The following OTUB1 variants were observed in gnomAD, a reference collection of about 807,000 sequenced individuals.
OTUB1 encodes ubiquitin thioesterase OTUB1.
In OTUB1, 10 loss-of-function variants were observed where a neutral mutation model predicts 35.8. The observed-to-expected ratio is 0.28, with a 90% CI of 0.17 to 0.47. The LOEUF (loss-of-function observed/expected upper bound fraction) is 0.47, where lower values mean the gene tolerates loss of function less well. Among genes scored for constraint, OTUB1 ranks in the 20% least tolerant of loss-of-function variants. The probability of loss-of-function intolerance (pLI) is 0.99; values close to 1 mark genes in which losing one functional copy is unlikely to be tolerated. For synonymous variants in OTUB1, 158 were observed against 143.8 expected, an observed-to-expected ratio of 1.10 and a Z score of -0.71; for missense variants, 264 against 351.6, an observed-to-expected ratio of 0.75 and a Z score of 1.99.
At position 63,986,489 on chromosome 11, in the gene OTUB1, G is replaced by A; in HGVS notation, c.33G>A (p.Gln11=). The A allele has an allele frequency of 1.3e-6, 2 of 1,553,626 alleles. No homozygotes were observed. The highest frequency in any genetic ancestry group is 8.7e-7 in the Non-Finnish European group (1 of 1,148,972). The change falls in exon 1 of 7, where the codon CAG becomes CAA. Residue 11 remains glutamine (Q), a synonymous_variant. Coordinates refer to ENST00000538426, the MANE Select transcript of OTUB1 (RefSeq NM_017670.3). MAAEEPQQQK[Q]EPLGSDSEGV... is the part of the protein sequence containing the mutation. ...CGGAGGAACCTCAGCAGCAGAAGCA[G>A]GAGCCGCTGGGCAGCGACTCCGAAG... is the stretch of plus-strand genomic sequence containing the variant.
At chr11:63,991,650 C>T (rs545368551) in intron 3 of OTUB1, among the ~76,000 whole-genome samples, 3 of 152,176 alleles carry the variant, frequency 2.0e-5, no homozygotes, top group Non-Finnish European at 4.4e-5. Context: ...GTGCCAAATC[C>T]CTGGCACAGA....
rs756050985 is a variant in OTUB1 at position 63,997,218 on chromosome 11, C to T, written c.592C>T (p.Arg198Trp). Residue 198 changes from arginine (R) to tryptophan (W), a missense_variant, in exon 6 of 7, where the codon CGG (arginine) becomes TGG (tryptophan). Coordinates refer to ENST00000538426, the MANE Select transcript of OTUB1 (RefSeq NM_017670.3). Reference protein sequence around the residue: ...KFFEHFIEGGRTVKEFCQQEV... With the variant: ...KFFEHFIEGGWTVKEFCQQEV... Reference sequence around the variant, plus strand: ...CTTCGAGCACTTCATCGAGGGTGGACGGACTGTCAAGGAGTTCTGCCAGCA... The same window carrying T: ...CTTCGAGCACTTCATCGAGGGTGGATGGACTGTCAAGGAGTTCTGCCAGCA... 20 of 1,614,156 alleles carry T rather than the reference C, an allele frequency of 1.2e-5. No individual in the cohort carries two copies. Among genetic ancestry groups the T allele is most frequent in the East Asian group, 2.2e-5 (1 of 44,886 alleles).
At chr11:63,986,792 C>T in intron 1 of OTUB1, 1 of 419,820 alleles carries the variant, frequency 2.4e-6, no homozygotes, top group Non-Finnish European at 4.2e-6. Flanking sequence ...CGCCCTCTGC[C>T]CAACCCCTCG....
Position 63,996,565 on chromosome 11 carries a change from C to T in OTUB1, c.255C>T (p.Thr85=), listed in dbSNP as rs981204662. The T allele has an allele frequency of 4.3e-6, 7 of 1,614,128 alleles. No individual in the cohort carries two copies. In the African/African-American group the frequency reaches 9.3e-5, roughly 22 times the overall value. The change falls in exon 4 of 7, where the codon ACC becomes ACT. Residue 85 remains threonine, a synonymous_variant. Coordinates refer to ENST00000538426, the MANE Select transcript of OTUB1 (RefSeq NM_017670.3). ...AAAAGTACTCGTACATCCGCAAGAC[C>T]AGGCCTGACGGCAACTGTTTCTATC... The part of the protein sequence containing the change: ...LHKKYSYIRK[T]RPDGNCFYRA...
chr11:63,996,384 A>G (rs1307329430), intron 3 of OTUB1, 146 bp from the exon 4 acceptor site: 1 of 787,370 alleles, frequency 1.3e-6, no homozygotes, highest in Non-Finnish European at 2.1e-6. Context: ...CACATTCAGC[A>G]GCCTGTTTCA....
chr11:63,991,880 C>G (rs1158336762), intron 3 of OTUB1, among the ~76,000 whole-genome samples: 3 of 152,124 alleles, frequency 2.0e-5, no homozygotes, highest in Non-Finnish European at 2.9e-5. Context: ...GGCTCTGGGA[C>G]ATGTGGGGTA....
At position 63,998,405 on chromosome 11, in the gene OTUB1, C is replaced by T. The variant is rs960081755; in HGVS notation, c.*859C>T. On this transcript the variant is annotated 3_prime_UTR_variant, in exon 7 of 7. Coordinates refer to ENST00000538426, the MANE Select transcript of OTUB1 (RefSeq NM_017670.3). ...GCAGGCCCTCAATAAATGTGAACTG[C>T]TGCTGCCGCCTCTGCCGTCCGCCTG... is the stretch of plus-strand genomic sequence containing the variant. 3 of 180,378 alleles carry T rather than the reference C, an allele frequency of 1.7e-5. No homozygotes were observed. The highest frequency in any genetic ancestry group is 2.4e-5 in the African/African-American group (1 of 42,306). The allele number at this position is 180,378 out of a possible 1,614,324, so 11.2% of individuals were successfully genotyped here.
chr11:63,997,149 C>T lies in OTUB1; in HGVS notation c.523C>T (p.Leu175=). The T allele has an allele frequency of 6.2e-7, 1 of 1,614,226 alleles. No homozygotes were observed. Among genetic ancestry groups the T allele is most frequent in the Non-Finnish European group, 8.5e-7 (1 of 1,180,028 alleles). Residue 175 remains leucine (L), a synonymous_variant, in exon 6 of 7, where the codon CTG becomes TTG. Transcript: ENST00000538426. The part of the protein sequence containing the change: ...QSTSDYLVVY[L]RLLTSGYLQR... Reference sequence around the variant, plus strand: ...CACCTCCGACTACCTTGTGGTCTACCTGCGGCTGCTCACCTCGGGCTACCT... The same window carrying T: ...CACCTCCGACTACCTTGTGGTCTACTTGCGGCTGCTCACCTCGGGCTACCT...
chr11:63,987,332 C>T (rs1472928611), intron 1 of OTUB1, among the ~76,000 whole-genome samples: 3 of 152,134 alleles, frequency 2.0e-5, no homozygotes, highest in Admixed American at 2.0e-4. Context: ...CTTGAGGGAA[C>T]GAGAAGTGGG....
At chr11:63,988,775 TGGGAA>T in intron 3 of OTUB1, 23 bp downstream of exon 3, 1 of 1,532,852 alleles carries the variant, frequency 6.5e-7, no homozygotes. Flanking sequence ...CCAGAGCGGG[TGGGAA>T]GCACCCTGGG....
chr11:63,995,565 G>A (rs1364801295), intron 3 of OTUB1, among the ~76,000 whole-genome samples: 1 of 151,902 alleles, frequency 6.6e-6, no homozygotes, highest in African/African-American at 2.4e-5. Flanking sequence ...CTAGGCTTAA[G>A]CGTCCTCCCA....
rs1246735875 is a variant in OTUB1 at position 63,996,641 on chromosome 11, T to C, written c.331T>C (p.Leu111=). Residue 111 remains leucine, a synonymous_variant, in exon 4 of 7, where the codon TTG becomes CTG. Transcript: ENST00000538426. The part of the protein sequence containing the change: ...LEALLDDSKE[L]QRFKAVSAKS... ...GGCACTGCTGGATGACAGCAAGGAG[T>C]TGCAGCGGTGAGAAGGGTGGGCACT... is the stretch of plus-strand genomic sequence containing the variant. The C allele has an allele frequency of 6.2e-7, 1 of 1,613,722 alleles. No individual in the cohort carries two copies. The highest frequency in any genetic ancestry group is 1.7e-5 in the Admixed American group (1 of 59,948).
At position 63,988,418 on chromosome 11, in the gene OTUB1, G is replaced by A. The variant is rs774306824; in HGVS notation, c.120+20G>A. On this transcript the variant is annotated intron_variant, in intron 2 of 6. Transcript: ENST00000538426. The stretch of plus-strand genomic sequence containing the variant: ...CAAGAGGTGAGGGGCTGCAGTGGGC[G>A]AGGGAGGCAGTGGCCAGCAGCCCCA... The A allele has an allele frequency of 1.7e-5, 26 of 1,551,548 alleles. No individual in the cohort carries two copies. The highest frequency in any genetic ancestry group is 2.4e-5 in the South Asian group (2 of 84,496).
Position 63,996,463 on chromosome 11 carries a change from G to T in OTUB1, c.220-67G>T, listed in dbSNP as rs75000465. 6.0e-3 allele frequency: 9,349 copies of T among 1,547,980 alleles called. 454 individuals carry two copies. The African/African-American group carries it at 0.11, about 18-fold the overall frequency. On this transcript the variant is annotated intron_variant, in intron 3 of 6. Coordinates refer to ENST00000538426, the MANE Select transcript of OTUB1 (RefSeq NM_017670.3). ...CTTTGGAGTGTGACCTTTGCTGGGG[G>T]ACATTTCCTTGGCCAGCCCCCGTTC... is the stretch of plus-strand genomic sequence containing the variant.
intron 1 of OTUB1, among the ~76,000 whole-genome samples, chr11:63,987,373 T>A (rs1261643070): frequency 6.6e-6 from 1 of 152,150 alleles, no homozygotes; most frequent in Non-Finnish European, 1.5e-5. Context: ...TTGTTCAAGA[T>A]GACATTAAGA....
intron 3 of OTUB1, among the ~76,000 whole-genome samples, chr11:63,995,955 C>T (rs935781783): frequency 2.0e-5 from 3 of 151,884 alleles, no homozygotes; most frequent in East Asian, 1.9e-4. Flanking sequence ...TGCAGTGAGC[C>T]GAGATCGCGC....
chr11:63,995,602 A>AT (rs1333041363), intron 3 of OTUB1, among the ~76,000 whole-genome samples: 1 of 145,940 alleles, frequency 6.9e-6, no homozygotes, highest in African/African-American at 2.5e-5. Context: ...TGTTGGGATT[A>AT]TAGGTGTGAG....
intron 3 of OTUB1, among the ~76,000 whole-genome samples, chr11:63,994,118 CCT>C (rs1942696786): frequency 6.6e-6 from 1 of 151,868 alleles, no homozygotes; most frequent in Admixed American, 6.6e-5. Context: ...CATAGAAAGC[CCT>C]GTCTCAGAAA....
In OTUB1 at chr11:63,997,450, G is replaced by C. The variant is rs148181122; in HGVS notation, c.720G>C (p.Glu240Asp). The C allele has an allele frequency of 1.8e-5, 29 of 1,614,026 alleles. No homozygotes were observed. The highest frequency in any genetic ancestry group is 2.5e-5 in the Non-Finnish European group (29 of 1,180,022). ...SIQVEYMDRG[E>D]GGTTNPHIFP... is the part of the protein sequence containing the mutation. ...AGGTGGAGTACATGGACCGCGGCGAGGGCGGCACCACCAATCCGCACATCT... is the reference window on the plus strand; with the variant it reads ...AGGTGGAGTACATGGACCGCGGCGACGGCGGCACCACCAATCCGCACATCT... Residue 240 changes from glutamate to aspartate, a missense_variant, in exon 7 of 7, where the codon GAG (glutamate) becomes GAC (aspartate). Physicochemically the swap from Glu to Asp is conservative, Grantham distance 45 (BLOSUM62 2). Coordinates refer to ENST00000538426, the MANE Select transcript of OTUB1 (RefSeq NM_017670.3).
Sources: gnomAD v4.1 joint callset for allele counts (sites outside exome capture counted in the v4.1 genomes callset) on GRCh38, gnomAD v4.1.1 for gene constraint, MANE v1.5 for transcripts, NCBI Gene and HGNC (gene_info 2026-07-23, HGNC 2026-07-21) for gene names.